Variants in LRP1B observed in about 807,000 individuals in gnomAD.
LRP1B encodes LDL receptor related protein 1B.
In LRP1B, 217 loss-of-function variants were observed where a neutral mutation model predicts 556.6. The observed-to-expected ratio is 0.39, with a 90% CI of 0.35 to 0.44. The LOEUF (loss-of-function observed/expected upper bound fraction) is 0.44. Among genes scored for constraint, LRP1B ranks in the 20% least tolerant of loss-of-function variants. The pLI, the probability that LRP1B is intolerant of heterozygous loss-of-function variation, is 1.00. For missense variants in LRP1B, 5,053 were observed against 5,620.8 expected (o/e 0.90, Z 3.23); for synonymous variants, 2,047 against 1,865.8 (o/e 1.10, Z -2.50).
intron 1 of LRP1B, among the ~76,000 whole-genome samples, chr2:141,926,503 A>C (rs368726211): frequency 5.3e-4 from 80 of 152,248 alleles, no homozygotes; most frequent in African/African-American, 1.9e-3. Context: ...AATAACCCAA[A>C]TTCCAAACCA....
At chr2:140,654,570 T>C (rs1684809043) in intron 41 of LRP1B, among the ~76,000 whole-genome samples, 2 of 151,966 alleles carry the variant, frequency 1.3e-5, no homozygotes, top group South Asian at 4.2e-4. Context: ...ATGCTGAATA[T>C]TAGTCTCACT....
intron 7 of LRP1B, among the ~76,000 whole-genome samples, chr2:141,078,950 G>T (rs984259039): frequency 1.3e-5 from 2 of 152,108 alleles, no homozygotes; most frequent in Non-Finnish European, 1.5e-5. Flanking sequence ...GAGACCTAGG[G>T]AGATAAAGTG....
intron 7 of LRP1B, among the ~76,000 whole-genome samples, chr2:141,158,811 C>T (rs6760324): frequency 0.69 from 104,293 of 151,872 alleles, 36,305 homozygotes; most frequent in Middle Eastern, 0.82. Context: ...TTTTGAGTGC[C>T]AGCTCCTCAT....
In LRP1B at chr2:140,274,617, A is replaced by C. The variant is rs199616641; in HGVS notation, c.12968-19T>G. The C allele has an allele frequency of 2.5e-6, 4 of 1,598,298 alleles. No individual in the cohort carries two copies. In the East Asian group the frequency reaches 9.0e-5, roughly 36 times the overall value. The stretch of plus-strand genomic sequence containing the variant: ...CACACGTCTAGGAAAAAAAGGCACA[A>C]CAGAAAAATAAAATTATATTACAGG... On this transcript the variant is annotated intron_variant, in intron 84 of 90. Coordinates refer to ENST00000389484, the MANE Select transcript of LRP1B (RefSeq NM_018557.3).
intron 3 of LRP1B, among the ~76,000 whole-genome samples, chr2:141,291,878 A>C (rs1422927050): frequency 1.0e-4 from 8 of 77,690 alleles, no homozygotes; most frequent in African/African-American, 2.8e-4. Context: ...AAAAAAAAAA[A>C]AAAAAAAAAA....
At chr2:140,386,911 T>C (rs1683782479) in intron 66 of LRP1B, among the ~76,000 whole-genome samples, 1 of 152,222 alleles carries the variant, frequency 6.6e-6, no homozygotes. Flanking sequence ...TGTGCATACA[T>C]ATAAGTCATT....
chr2:141,632,858 GC>G (rs1309432559), intron 2 of LRP1B, among the ~76,000 whole-genome samples: 2 of 111,612 alleles, frequency 1.8e-5, no homozygotes, highest in African/African-American at 7.0e-5. Flanking sequence ...TGTGTTAAGT[GC>G]TACAAGAACC....
chr2:141,221,635 C>T (rs568716527), intron 6 of LRP1B, among the ~76,000 whole-genome samples: 160 of 152,306 alleles, frequency 1.1e-3, no homozygotes, highest in African/African-American at 3.7e-3. Context: ...TTCTTCTCAG[C>T]ACCACATGGC....
intron 86 of LRP1B, among the ~76,000 whole-genome samples, chr2:140,266,202 C>T (rs375938946): frequency 6.6e-6 from 1 of 151,792 alleles, no homozygotes; most frequent in African/African-American, 2.4e-5. Context: ...TCTACTTCTT[C>T]TCCTTTTGAT....
chr2:140,623,946 T>TATATATATAGCTTAGTTG (rs1683551676), intron 41 of LRP1B, among the ~76,000 whole-genome samples: 1 of 23,336 alleles, frequency 4.3e-5, no homozygotes, highest in Non-Finnish European at 9.2e-5. Context: ...ATATATTATA[T>TATATATATAGCTTAGTTG]TTTATTTATG....
chr2:142,071,339 G>A (rs1463348816), intron 1 of LRP1B, among the ~76,000 whole-genome samples: 1 of 151,790 alleles, frequency 6.6e-6, no homozygotes, highest in Non-Finnish European at 1.5e-5. Context: ...ACCAATGCTT[G>A]TCATTTCCTC....
At chr2:141,901,560 T>A (rs538534692) in intron 1 of LRP1B, among the ~76,000 whole-genome samples, 10 of 152,082 alleles carry the variant, frequency 6.6e-5, no homozygotes, top group African/African-American at 2.2e-4. Context: ...TCACTTTTTC[T>A]TTATACATAA....
chr2:140,317,727 C>CATAG (rs1684587377), intron 82 of LRP1B, among the ~76,000 whole-genome samples: 1 of 152,030 alleles, frequency 6.6e-6, no homozygotes, highest in African/African-American at 2.4e-5. Context: ...GCATTATGAT[C>CATAG]ATAGATAGGA....
At chr2:140,890,752 A>G (rs1227191636) in intron 23 of LRP1B, among the ~76,000 whole-genome samples, 1 of 152,082 alleles carries the variant, frequency 6.6e-6, no homozygotes, top group Non-Finnish European at 1.5e-5. Flanking sequence ...TGAATAGTCC[A>G]ATGTGTTATT....
chr2:141,479,395 TG>T lies in LRP1B; in HGVS notation c.343+1000del, dbSNP rs763067168. 2.0e-5 allele frequency among the ~76,000 whole-genome samples: 3 copies of T among 152,144 alleles called. No individual in the cohort carries two copies. In the East Asian group the frequency reaches 5.8e-4, roughly 29 times the overall value. On this transcript the variant is annotated intron_variant, in intron 3 of 90. Transcript: ENST00000389484. Reference sequence around the variant, plus strand: ...ATATTTGGAGCTCCTCCCGAACAACTGGAATTTCTGGTGACCTGGGACCTCT... The same window carrying T: ...ATATTTGGAGCTCCTCCCGAACAACTGAATTTCTGGTGACCTGGGACCTCT...
chr2:140,747,438 T>A (rs410709), intron 35 of LRP1B, among the ~76,000 whole-genome samples: 4 of 152,200 alleles, frequency 2.6e-5, no homozygotes, highest in Admixed American at 2.0e-4. Context: ...CATGAGTCCC[T>A]ACAGAGGGTC....
chr2:141,530,406 A>C (rs1483140), intron 2 of LRP1B, among the ~76,000 whole-genome samples: 51,688 of 151,892 alleles, frequency 0.34, 9,745 homozygotes, highest in Non-Finnish European at 0.43. Context: ...CACTGATTCT[A>C]TCTCTGATCC....
intron 1 of LRP1B, among the ~76,000 whole-genome samples, chr2:142,015,990 T>TGAAAAAAAAA (rs1379898442): frequency 7.6e-4 from 1 of 1,324 alleles, no homozygotes; most frequent in Non-Finnish European, 4.3e-3. Flanking sequence ...AGACTCCATC[T>TGAAAAAAAAA]CAAAAAAAAA....
chr2:141,764,372 C>T (rs1163108481), intron 2 of LRP1B, among the ~76,000 whole-genome samples: 4 of 152,204 alleles, frequency 2.6e-5, no homozygotes, highest in African/African-American at 9.6e-5. Flanking sequence ...TTAGTAGAGA[C>T]GGTGTTTCAC....
Sources: gnomAD v4.1 joint callset for allele counts (sites outside exome capture counted in the v4.1 genomes callset) on GRCh38, gnomAD v4.1.1 for gene constraint, MANE v1.5 for transcripts, NCBI Gene and HGNC (gene_info 2026-07-23, HGNC 2026-07-21) for gene names.